CDH18: variants seen among roughly 807,000 people sequenced by gnomAD.
CDH18 encodes cadherin 18, also known as cadherin-18.
A neutral mutation model predicts 67.9 loss-of-function variants in CDH18; 31 were observed. The observed-to-expected ratio is 0.46, with a 90% CI of 0.34 to 0.62. CDH18 has a LOEUF of 0.62. Ranked by LOEUF, CDH18 falls within the 20% of genes least tolerant of loss-of-function variation. The pLI is 0.01. For missense variants in CDH18, 890 were observed against 975.5 expected (o/e 0.91, Z 1.17); for synonymous variants, 362 against 347.2 (o/e 1.04, Z -0.48).
chr5:19,575,652 C>T (rs1184981733), intron 7 of CDH18, among the ~76,000 whole-genome samples: 1 of 152,090 alleles, frequency 6.6e-6, no homozygotes, highest in Non-Finnish European at 1.5e-5. Context: ...TTTGTATTGG[C>T]TTATTATTTT....
At chr5:20,304,228 A>G (rs1309390059) in intron 1 of CDH18, 2 of 1,523,544 alleles carry the variant, frequency 1.3e-6, no homozygotes, top group Non-Finnish European at 9.1e-7. Context: ...GTGGAATCAG[A>G]GCATTCAGCA....
intron 1 of CDH18, among the ~76,000 whole-genome samples, chr5:20,288,079 T>A (rs886578381): frequency 2.0e-5 from 3 of 151,688 alleles, no homozygotes; most frequent in African/African-American, 4.8e-5. Flanking sequence ...GGGGTCATTT[T>A]TTTTTTGTCA....
chr5:20,102,863 T>A lies in CDH18; in HGVS notation c.-517-110849A>T, dbSNP rs777652668. Among the ~76,000 whole-genome samples, 27 of 152,106 alleles carry A rather than the reference T, an allele frequency of 1.8e-4. 1 individual carries two copies. Among genetic ancestry groups the A allele is most frequent in the Non-Finnish European group, 3.2e-4 (22 of 68,014 alleles). ...TAACCATCTGTGACTAGAATAATAA[T>A]AAGGGGCGAGACTAAATTCTCCTTC... is the stretch of plus-strand genomic sequence containing the variant. On this transcript the variant is annotated intron_variant, in intron 2 of 14. Coordinates refer to the CDH18 transcript ENST00000507958.
chr5:19,839,439 A>T (rs1426961078), intron 2 of CDH18, among the ~76,000 whole-genome samples, 197 bp from the exon 3 acceptor site: 1 of 152,216 alleles, frequency 6.6e-6, no homozygotes, highest in Non-Finnish European at 1.5e-5. Flanking sequence ...TGTACCATTA[A>T]TTCTCAATGA....
In CDH18 at chr5:19,651,881, C is replaced by G. The variant is rs545818242; in HGVS notation, c.644-39280G>C. On this transcript the variant is annotated intron_variant, in intron 5 of 12. Transcript: ENST00000382275. The stretch of plus-strand genomic sequence containing the variant: ...ACTTTTTATTAGCTCTGTGAATTTA[C>G]TTAACCTCTCAGAATAGCAGTTTCC... Among the ~76,000 whole-genome samples the G allele has an allele frequency of 2.0e-5, 3 of 152,126 alleles. 1 individual carries two copies. In the South Asian group the frequency reaches 6.2e-4, roughly 32 times the overall value.
intron 1 of CDH18, among the ~76,000 whole-genome samples, chr5:20,287,274 A>T (rs776817398): frequency 6.6e-6 from 1 of 151,790 alleles, no homozygotes; most frequent in Non-Finnish European, 1.5e-5. Flanking sequence ...TCCAGAATCA[A>T]TGGTCTAATC....
chr5:20,376,123 T>C (rs1743411186), intron 1 of CDH18, among the ~76,000 whole-genome samples: 1 of 141,856 alleles, frequency 7.0e-6, no homozygotes, highest in Non-Finnish European at 1.5e-5. Context: ...AGACGGAGTC[T>C]CCCTCTGTCA....
chr5:19,606,400 T>C lies in CDH18; in HGVS notation c.811+6034A>G, dbSNP rs1561454452. Among the ~76,000 whole-genome samples the C allele has an allele frequency of 2.0e-5, 3 of 152,154 alleles. No homozygotes were observed. In the East Asian group the frequency reaches 5.8e-4, roughly 29 times the overall value. ...ATTCTACAAAAAGTTTTGAAATAAGTATGGTTAATATGTTTATGGTTAATA... is the reference window on the plus strand; with the variant it reads ...ATTCTACAAAAAGTTTTGAAATAAGCATGGTTAATATGTTTATGGTTAATA... On this transcript the variant is annotated intron_variant, in intron 6 of 12. Transcript: ENST00000382275.
chr5:19,601,383 T>C (rs1385356467), intron 6 of CDH18, among the ~76,000 whole-genome samples: 1 of 152,180 alleles, frequency 6.6e-6, no homozygotes, highest in Non-Finnish European at 1.5e-5. Flanking sequence ...CTTTTAAATA[T>C]GACTTACCAT....
chr5:19,932,355 T>C (rs1279807396), intron 2 of CDH18, among the ~76,000 whole-genome samples: 1 of 151,692 alleles, frequency 6.6e-6, no homozygotes, highest in African/African-American at 2.4e-5. Context: ...AGCTCCTTTT[T>C]AAAAAACAAT....
intron 2 of CDH18, among the ~76,000 whole-genome samples, chr5:20,029,007 T>C (rs1486499728): frequency 6.6e-6 from 1 of 152,184 alleles, no homozygotes; most frequent in Non-Finnish European, 1.5e-5. Context: ...CATTTTCCTG[T>C]TATATCCTTT....
At chr5:19,991,130 C>T (rs1018048276), upstream of CDH18, among the ~76,000 whole-genome samples, 8 of 152,130 alleles carry the variant, frequency 5.3e-5, no homozygotes, top group Non-Finnish European at 1.5e-5. Flanking sequence ...GAGAGAGAGA[C>T]TCAGAAAATT....
intron 3 of CDH18, among the ~76,000 whole-genome samples, chr5:19,766,018 T>A (rs1406999570): frequency 6.6e-6 from 1 of 152,100 alleles, no homozygotes; most frequent in Non-Finnish European, 1.5e-5. Context: ...TAGCTGGGAT[T>A]ACAGGTGCCC....
At chr5:20,280,373 CA>C (rs2126696542) in intron 1 of CDH18, among the ~76,000 whole-genome samples, 1 of 152,150 alleles carries the variant, frequency 6.6e-6, no homozygotes, top group East Asian at 1.9e-4. Context: ...TCCCACCCAA[CA>C]AAAGGCCTGG....
At chr5:19,725,221 C>T (rs186321937) in intron 4 of CDH18, among the ~76,000 whole-genome samples, 2 of 152,090 alleles carry the variant, frequency 1.3e-5, no homozygotes, top group African/African-American at 4.8e-5. Flanking sequence ...CCACCGCACC[C>T]GGCCCATATT....
chr5:19,746,851 T>C lies in CDH18; in HGVS notation c.523+91A>G, dbSNP rs568556692. ...TTCATATTTATATCCCCTCCAGATA[T>C]ATATATATAAGTAAAAATTGGTATT... On this transcript the variant is annotated intron_variant, in intron 4 of 12. Coordinates refer to ENST00000382275, the MANE Select transcript of CDH18 (RefSeq NM_004934.5). 1.8e-5 allele frequency: 18 copies of C among 981,030 alleles called. No individual in the cohort carries two copies. In the African/African-American group the frequency reaches 2.3e-4, roughly 13 times the overall value. 60.8% of individuals were successfully genotyped at this position (981,030 alleles called of 1,614,324 possible).
intron 7 of CDH18, among the ~76,000 whole-genome samples, chr5:19,587,917 T>C (rs1484358724): frequency 6.6e-6 from 1 of 152,156 alleles, no homozygotes; most frequent in Non-Finnish European, 1.5e-5. Context: ...TTCCTATCCA[T>C]GAGCATGGAA....
chr5:19,990,537 T>C (rs1479992954), upstream of CDH18, among the ~76,000 whole-genome samples: 1 of 152,134 alleles, frequency 6.6e-6, no homozygotes. Context: ...ACCAATACAA[T>C]CCATTTCTAG....
At chr5:20,476,755 G>C (rs1169251536) in intron 1 of CDH18, among the ~76,000 whole-genome samples, 1 of 152,064 alleles carries the variant, frequency 6.6e-6, no homozygotes, top group Non-Finnish European at 1.5e-5. Flanking sequence ...TTTTGCTTGA[G>C]AGTTTTTCTT....
Sources: allele counts gnomAD v4.1 joint callset (sites outside exome capture counted in the v4.1 genomes callset), GRCh38; gene constraint gnomAD v4.1.1; transcripts MANE v1.5; gene names NCBI Gene and HGNC (gene_info 2026-07-23, HGNC 2026-07-21).